The following SLC13A3 variants were observed in gnomAD, a reference collection of about 807,000 sequenced individuals.
SLC13A3 encodes the protein solute carrier family 13 member 3.
A neutral mutation model predicts 59.0 loss-of-function variants in SLC13A3; 40 were observed. That is an observed-to-expected ratio of 0.68 (90% CI 0.53 to 0.88). SLC13A3 has a LOEUF of 0.88. SLC13A3 is among the 40% of genes least tolerant of loss of function. SLC13A3 has a pLI of 0.00. For missense variants in SLC13A3, 699 were observed against 783.2 expected (o/e 0.89, Z 1.28); for synonymous variants, 317 against 330.3 (o/e 0.96, Z 0.44).
At chr20:46,628,131 A>G (rs707508) in intron 1 of SLC13A3, among the ~76,000 whole-genome samples, 147,583 of 152,290 alleles carry the variant, frequency 0.97, 71,540 homozygotes, top group East Asian at 1. Flanking sequence ...CTTCCCTCGG[A>G]TCTTCAAGGG....
In SLC13A3 at chr20:46,592,492, A is replaced by G; in HGVS notation, c.832T>C (p.Trp278Arg). The change falls in exon 6 of 13, where the codon TGG (tryptophan) becomes CGG (arginine). Residue 278 changes from tryptophan (W) to arginine (R), a missense_variant. By Grantham distance (101) the Trp-to-Arg change is moderately radical. Transcript: ENST00000279027. ...PQCDVVNFGS[W>R]FIFAFPLMLL... ...ATAAGAGGGAAGGCGAAAATGAACCAGGAGCCGAAATTCACCACGTCACAC... is the reference window on the plus strand; with the variant it reads ...ATAAGAGGGAAGGCGAAAATGAACCGGGAGCCGAAATTCACCACGTCACAC... 1 of 1,613,918 alleles carries G rather than the reference A, an allele frequency of 6.2e-7. No individual in the cohort carries two copies. Among genetic ancestry groups the G allele is most frequent in the South Asian group, 1.1e-5 (1 of 91,078 alleles).
intron 3 of SLC13A3, chr20:46,608,742 T>C (rs143535559): frequency 3.9e-6 from 4 of 1,026,982 alleles, no homozygotes; most frequent in Non-Finnish European, 5.4e-6. Flanking sequence ...TTAATTTAAT[T>C]CATATTTTAA....
chr20:46,661,050 T>C (rs2122911955), intron 1 of SLC13A3, among the ~76,000 whole-genome samples: 1 of 152,348 alleles, frequency 6.6e-6, no homozygotes, highest in South Asian at 2.1e-4. Context: ...CTTTCATTTT[T>C]AGAATTTTGT....
chr20:46,649,648 C>G (rs138827056), intron 1 of SLC13A3, among the ~76,000 whole-genome samples: 1 of 152,246 alleles, frequency 6.6e-6, no homozygotes, highest in South Asian at 2.1e-4. Flanking sequence ...CAGAAGCTAG[C>G]GGTGTAATCG....
chr20:46,637,267 C>T (rs1254079833), intron 1 of SLC13A3, among the ~76,000 whole-genome samples: 2 of 141,988 alleles, frequency 1.4e-5, no homozygotes, highest in East Asian at 2.2e-4. Flanking sequence ...TGTTTCCAAG[C>T]CCCTTTTGAC....
At chr20:46,561,266 A>G (rs561364223) in intron 12 of SLC13A3, among the ~76,000 whole-genome samples, 1 of 152,296 alleles carries the variant, frequency 6.6e-6, no homozygotes, top group African/African-American at 2.4e-5. Context: ...TTGATGTCTC[A>G]TGCCTCCCTA....
chr20:46,586,499 A>G (rs1361022676), intron 8 of SLC13A3, among the ~76,000 whole-genome samples: 1 of 152,178 alleles, frequency 6.6e-6, no homozygotes, highest in African/African-American at 2.4e-5. Context: ...TCCCAAATTT[A>G]TACAATGACT....
In SLC13A3 at chr20:46,558,805, G is replaced by A. The variant is rs1403515833; in HGVS notation, c.*1217C>T. The A allele has an allele frequency of 2.0e-5, 3 of 152,142 alleles. No homozygotes were observed. Among genetic ancestry groups the A allele is most frequent in the African/African-American group, 7.2e-5 (3 of 41,408 alleles). 9.4% of individuals were successfully genotyped at this position (152,142 alleles called of 1,614,324 possible). A position where few individuals can be genotyped will look rare whatever the true frequency, so the allele number is the denominator to read the frequency against. On this transcript the variant is annotated 3_prime_UTR_variant, in exon 13 of 13. Coordinates refer to ENST00000279027, the MANE Select transcript of SLC13A3 (RefSeq NM_022829.6). Reference sequence around the variant, plus strand: ...GTGACGAGTCAGGGCCCCTGGGCTGGTGTCTTTTCCAATACTGGGCTAATG... The same window carrying A: ...GTGACGAGTCAGGGCCCCTGGGCTGATGTCTTTTCCAATACTGGGCTAATG...
chr20:46,611,995 C>T (rs1271501103), intron 2 of SLC13A3, among the ~76,000 whole-genome samples: 2 of 151,850 alleles, frequency 1.3e-5, no homozygotes, highest in African/African-American at 4.8e-5. Context: ...GATAAACAGG[C>T]AACAAAGTTG....
At chr20:46,595,391 C>G (rs370326292) in intron 5 of SLC13A3, among the ~76,000 whole-genome samples, 1 of 152,114 alleles carries the variant, frequency 6.6e-6, no homozygotes, top group Non-Finnish European at 1.5e-5. Flanking sequence ...GAACATCTTT[C>G]TTTTATCCTC....
At chr20:46,683,565 C>T (rs1252699248) in intron 1 of SLC13A3, among the ~76,000 whole-genome samples, 2 of 152,188 alleles carry the variant, frequency 1.3e-5, no homozygotes, top group Non-Finnish European at 2.9e-5. Context: ...CAGACAGCAC[C>T]TCCTCACCAG....
At chr20:46,590,432 A>C (rs2062241963) in intron 6 of SLC13A3, among the ~76,000 whole-genome samples, 2 of 152,218 alleles carry the variant, frequency 1.3e-5, no homozygotes, top group African/African-American at 4.8e-5. Flanking sequence ...ATAAGCACTC[A>C]TCTTTCTAAA....
At chr20:46,624,057 A>T (rs2062642813) in intron 1 of SLC13A3, among the ~76,000 whole-genome samples, 2 of 152,146 alleles carry the variant, frequency 1.3e-5, no homozygotes, top group South Asian at 4.1e-4. Flanking sequence ...ACCTCTCTCA[A>T]GCTTCCTGGC....
chr20:46,660,731 CCA>C, intron 1 of SLC13A3, among the ~76,000 whole-genome samples: 1 of 152,044 alleles, frequency 6.6e-6, no homozygotes, highest in South Asian at 2.1e-4. Context: ...CTCTTTTGCC[CCA>C]TTCTCTCTCT....
At chr20:46,660,386 T>G (rs2063022184) in intron 1 of SLC13A3, among the ~76,000 whole-genome samples, 1 of 152,226 alleles carries the variant, frequency 6.6e-6, no homozygotes, top group African/African-American at 2.4e-5. Flanking sequence ...TTTTTTTTCC[T>G]TTAGTACTTA....
chr20:46,575,472 G>A (rs1600505605), intron 10 of SLC13A3, 101 bp downstream of exon 10: 1 of 590,020 alleles, frequency 1.7e-6, no homozygotes, highest in East Asian at 3.2e-5. Flanking sequence ...CAGGGCCCGT[G>A]CAGCTCACCT....
At chr20:46,677,687 T>C (rs6017968) in intron 1 of SLC13A3, among the ~76,000 whole-genome samples, 1,559 of 152,212 alleles carry the variant, frequency 0.01, 27 homozygotes, top group African/African-American at 0.035. Flanking sequence ...AGGTTGCAAA[T>C]TCAATGCTCT....
At chr20:46,612,124 CTT>C (rs57019153) in intron 2 of SLC13A3, among the ~76,000 whole-genome samples, 14 of 68,940 alleles carry the variant, frequency 2.0e-4, no homozygotes, top group African/African-American at 3.4e-4. Context: ...TCTCTCTTTG[CTT>C]TTTTTTTTTT....
chr20:46,632,912 T>TCTTTATCTACCCACCCAG (rs1236408735), intron 1 of SLC13A3, among the ~76,000 whole-genome samples: 815 of 56,326 alleles, frequency 0.014, 23 homozygotes, highest in African/African-American at 0.023. Flanking sequence ...TAGATAGATA[T>TCTTTATCTACCCACCCAG]ATCTATCTAT....
Sources: gnomAD v4.1 joint callset for allele counts (sites outside exome capture counted in the v4.1 genomes callset) on GRCh38, gnomAD v4.1.1 for gene constraint, MANE v1.5 for transcripts, NCBI Gene and HGNC (gene_info 2026-07-23, HGNC 2026-07-21) for gene names.